The following PWWP2A variants were observed in gnomAD, a reference collection of about 807,000 sequenced individuals.
PWWP2A encodes the protein PWWP domain containing 2A.
A neutral mutation model predicts 48.5 loss-of-function variants in PWWP2A; 18 were observed. The observed-to-expected ratio is 0.37, with a 90% CI of 0.26 to 0.55. PWWP2A has a LOEUF of 0.55. PWWP2A is among the 20% of genes least tolerant of loss of function. PWWP2A has a pLI of 0.81. For synonymous variants in PWWP2A, 396 were observed against 387.7 expected, an observed-to-expected ratio of 1.02 and a Z score of -0.25; for missense variants, 867 against 976.4, an observed-to-expected ratio of 0.89 and a Z score of 1.49.
chr5:160,086,789 T>C (rs774800302), downstream of PWWP2A, among the ~76,000 whole-genome samples: 8 of 152,208 alleles, frequency 5.3e-5, no homozygotes, highest in East Asian at 9.6e-4. Flanking sequence ...GCCTCATAAA[T>C]AATTTGTCAA....
downstream of PWWP2A, among the ~76,000 whole-genome samples, chr5:160,058,052 C>G (rs1941416343): frequency 6.6e-6 from 1 of 152,226 alleles, no homozygotes; most frequent in Non-Finnish European, 1.5e-5. Context: ...TAGGCGTGAG[C>G]CACTGTGCCC....
intron 1 of PWWP2A, among the ~76,000 whole-genome samples, chr5:160,101,297 A>C (rs1756258276): frequency 6.6e-6 from 1 of 152,120 alleles, no homozygotes; most frequent in South Asian, 2.1e-4. Flanking sequence ...TTGCAGTGAG[A>C]AGAGATCACG....
At chr5:160,112,153 A>T (rs1757651656) in intron 1 of PWWP2A, among the ~76,000 whole-genome samples, 1 of 150,620 alleles carries the variant, frequency 6.6e-6, no homozygotes, top group Admixed American at 6.6e-5. Flanking sequence ...AAAGGAAAAA[A>T]AGAAAAAAGA....
the PWWP2A span, among the ~76,000 whole-genome samples, chr5:160,055,707 G>A: frequency 6.6e-6 from 1 of 152,224 alleles, no homozygotes; most frequent in Admixed American, 6.5e-5. Flanking sequence ...GAGAGACGGA[G>A]TATAGAGGCA....
downstream of PWWP2A, among the ~76,000 whole-genome samples, chr5:160,088,998 G>A (rs1047267481): frequency 1.3e-5 from 2 of 152,074 alleles, no homozygotes; most frequent in African/African-American, 4.8e-5. Context: ...TATTCATTTT[G>A]TTGATTTTAG....
At chr5:160,067,808 C>T (rs1007901988) in intron 2 of PWWP2A, among the ~76,000 whole-genome samples, 1 of 152,204 alleles carries the variant, frequency 6.6e-6, no homozygotes, top group Non-Finnish European at 1.5e-5. Context: ...CATAGAAAAT[C>T]TTCAGACTTC....
intron 3 of PWWP2A, among the ~76,000 whole-genome samples, chr5:160,079,416 T>A (rs1471901714): frequency 6.6e-6 from 1 of 151,742 alleles, no homozygotes; most frequent in African/African-American, 2.4e-5. Context: ...AGATGAAAGA[T>A]GAATGTAGTC....
chr5:160,115,271 G>A (rs1344668184), intron 1 of PWWP2A, among the ~76,000 whole-genome samples: 2 of 151,290 alleles, frequency 1.3e-5, no homozygotes, highest in Non-Finnish European at 2.9e-5. Flanking sequence ...TGAAAATATA[G>A]CTGGCTGGCT....
downstream of PWWP2A, among the ~76,000 whole-genome samples, chr5:160,059,277 T>G (rs1245830277): frequency 1.3e-5 from 2 of 152,256 alleles, no homozygotes; most frequent in Non-Finnish European, 2.9e-5. Flanking sequence ...TTTTTGCAGC[T>G]TCTATGTCAG....
the PWWP2A span, among the ~76,000 whole-genome samples, chr5:160,050,425 C>T: frequency 2.0e-5 from 3 of 151,868 alleles, no homozygotes; most frequent in South Asian, 2.1e-4. Flanking sequence ...CCAGTCTGGG[C>T]GACAGTGTGA....
intron 1 of PWWP2A, among the ~76,000 whole-genome samples, chr5:160,096,105 G>A (rs1755622067): frequency 6.6e-6 from 1 of 152,186 alleles, no homozygotes; most frequent in South Asian, 2.1e-4. Flanking sequence ...CAAAGAGCCA[G>A]CATACACCAG....
Position 160,081,387 on chromosome 5 carries a change from C to T in PWWP2A, c.1550-617G>A, listed in dbSNP as rs564895737. ...CTGAGTAGCTAGGATTACAGGCGCC[C>T]GCCACCACACCTGGCTAATTTTTTA... On this transcript the variant is annotated intron_variant, in intron 2 of 3. Transcript: ENST00000456329. 2.4e-3 allele frequency among the ~76,000 whole-genome samples: 370 copies of T among 152,106 alleles called. 5 individuals carry two copies. Among genetic ancestry groups the T allele is most frequent in the Middle Eastern group, 6.8e-3 (2 of 292 alleles).
chr5:160,119,150 C>T lies in PWWP2A; in HGVS notation c.239G>A (p.Arg80His). 1 of 1,549,066 alleles carries T rather than the reference C, an allele frequency of 6.5e-7. No homozygotes were observed. The highest frequency in any genetic ancestry group is 8.6e-7 in the Non-Finnish European group (1 of 1,161,436). Reference protein sequence around the residue: ...PPPPPPGELARSPEAVGPELE... With the variant: ...PPPPPPGELAHSPEAVGPELE... ...CTCCGGCCCCACCGCCTCTGGGCTG[C>T]GGGCGAGCTCCCCCGGCGGCGGCGG... Residue 80 changes from arginine to histidine, a missense_variant, in exon 1 of 2, where the codon CGC becomes CAC. Transcript: ENST00000307063.
At chr5:160,061,168 C>T (rs1409866509), downstream of PWWP2A, among the ~76,000 whole-genome samples, 1 of 152,244 alleles carries the variant, frequency 6.6e-6, no homozygotes, top group African/African-American at 2.4e-5. Flanking sequence ...CTGCCTATCT[C>T]TGTGCATTGG....
At position 160,109,129 on chromosome 5, in the gene PWWP2A, G is replaced by A. The variant is rs572704800; in HGVS notation, c.584+9676C>T. Among the ~76,000 whole-genome samples the A allele has an allele frequency of 5.3e-5, 8 of 152,146 alleles. No individual in the cohort carries two copies. The East Asian group carries it at 1.2e-3, about 22-fold the overall frequency. ...CTCCTGAACAGTTGGGATTACAGGT[G>A]CACACCACCACACCCAGCTAATTTT... On this transcript the variant is annotated intron_variant, in intron 1 of 1. Coordinates refer to ENST00000307063, the MANE Select transcript of PWWP2A (RefSeq NM_001130864.2).
chr5:160,052,524 A>C, the PWWP2A span, among the ~76,000 whole-genome samples: 6 of 146,878 alleles, frequency 4.1e-5, no homozygotes, highest in Middle Eastern at 0.01. Flanking sequence ...ACCTATTTTT[A>C]CTAACAATGA....
At chr5:160,111,003 C>T (rs1414936564) in intron 1 of PWWP2A, among the ~76,000 whole-genome samples, 1 of 148,358 alleles carries the variant, frequency 6.7e-6, no homozygotes, top group Non-Finnish European at 1.5e-5. Context: ...AATGACACAC[C>T]AATGACTTAT....
At chr5:160,105,634 A>G in intron 1 of PWWP2A, 2 of 954,530 alleles carry the variant, frequency 2.1e-6, no homozygotes, top group Non-Finnish European at 2.5e-6. Flanking sequence ...CTTACCTACT[A>G]AAAGACTATA....
the PWWP2A span, among the ~76,000 whole-genome samples, chr5:160,051,382 T>G: frequency 6.6e-6 from 1 of 152,190 alleles, no homozygotes; most frequent in East Asian, 1.9e-4. Flanking sequence ...CCAGATTTCC[T>G]TTTTGATTTT....
Sources: allele counts gnomAD v4.1 joint callset (sites outside exome capture counted in the v4.1 genomes callset), GRCh38; gene constraint gnomAD v4.1.1; transcripts MANE v1.5; gene names NCBI Gene and HGNC (gene_info 2026-07-23, HGNC 2026-07-21).